The following DNMT1 variants were observed in gnomAD, a reference collection of about 807,000 sequenced individuals.
DNMT1 encodes DNA (cytosine-5)-methyltransferase 1.
Under a neutral mutation model 205.3 loss-of-function variants are expected in DNMT1, and 24 were observed. The observed-to-expected ratio is 0.12, with a 90% CI of 0.08 to 0.16. DNMT1 has a LOEUF of 0.16. Ranked by LOEUF, DNMT1 falls within the 10% of genes least tolerant of loss-of-function variation. The pLI is 1.00. For missense variants in DNMT1, 1,293 were observed against 2,177.7 expected (o/e 0.59, Z 8.09); for synonymous variants, 817 against 839.8 (o/e 0.97, Z 0.47).
chr19:10,185,810 G>A (rs2039166578), intron 1 of DNMT1, among the ~76,000 whole-genome samples: 2 of 146,160 alleles, frequency 1.4e-5, no homozygotes, highest in Non-Finnish European at 3.0e-5. Flanking sequence ...AGCCTGTTCA[G>A]CCTGGGCAAC....
chr19:10,190,683 T>G (rs977824537), intron 1 of DNMT1, among the ~76,000 whole-genome samples: 1 of 151,794 alleles, frequency 6.6e-6, no homozygotes, highest in East Asian at 1.9e-4. Flanking sequence ...GAGAATCACT[T>G]GAACCCGGGA....
At chr19:10,182,442 CATATATATGTGTAT>C (rs55851540) in intron 1 of DNMT1, among the ~76,000 whole-genome samples, 5 of 120,614 alleles carry the variant, frequency 4.1e-5, no homozygotes, top group Middle Eastern at 4.5e-3. Context: ...TATATATATA[CATATATATGTGTAT>C]ATATATGTGT....
At chr19:10,166,456 CT>C (rs2038695125) in intron 11 of DNMT1, 141 bp downstream of exon 11, 1 of 993,586 alleles carries the variant, frequency 1.0e-6, no homozygotes, top group African/African-American at 1.6e-5. Context: ...AAAAGGTGAC[CT>C]TCCCAGAGTC....
rs762901584 is a variant in DNMT1 at position 10,194,797 on chromosome 19, G to A, written c.80+23C>T. ...GCGCCCTGCCTGTCCCCCTGAGTCC[G>A]TGTTCCCCCCCATGGTACCTACCGC... On this transcript the variant is annotated intron_variant, in intron 1 of 40. Transcript: ENST00000359526. 9 of 1,609,572 alleles carry A rather than the reference G, an allele frequency of 5.6e-6. No individual in the cohort carries two copies. The Middle Eastern group carries it at 4.9e-4, about 88-fold the overall frequency.
chr19:10,182,406 CATATATATGTGTAT>C (rs759618105), intron 1 of DNMT1, among the ~76,000 whole-genome samples: 6 of 73,220 alleles, frequency 8.2e-5, no homozygotes, highest in Non-Finnish European at 1.1e-4. Flanking sequence ...TATATATATA[CATATATATGTGTAT>C]ATATATGTGT....
At chr19:10,194,604 C>T (rs2039367829) in intron 1 of DNMT1, 1 of 546,674 alleles carries the variant, frequency 1.8e-6, no homozygotes, top group South Asian at 2.8e-5. Context: ...CAGGGAGCTA[C>T]GGGGGAATCC....
chr19:10,141,280 T>G, intron 30 of DNMT1, 91 bp from the exon 31 acceptor site: 1 of 1,351,234 alleles, frequency 7.4e-7, no homozygotes, highest in Non-Finnish European at 1.1e-6. Context: ...GATAGTCACT[T>G]AATTTCTCCC....
At chr19:10,149,362 A>G (rs2038285621) in intron 26 of DNMT1, 91 bp downstream of exon 26, 1 of 1,489,436 alleles carries the variant, frequency 6.7e-7, no homozygotes, top group Non-Finnish European at 9.2e-7. Flanking sequence ...ACCAAATTAA[A>G]AAAAAATACA....
intron 22 of DNMT1, among the ~76,000 whole-genome samples, chr19:10,152,795 G>A (rs1281754565): frequency 2.6e-5 from 4 of 151,498 alleles, no homozygotes; most frequent in Non-Finnish European, 5.9e-5. Flanking sequence ...ACAAAACCAA[G>A]ACTTTTAAAA....
At chr19:10,177,471 C>T (rs750950402) in intron 5 of DNMT1, 104 bp from the exon 6 acceptor site, 4 of 1,157,838 alleles carry the variant, frequency 3.5e-6, no homozygotes, top group Non-Finnish European at 4.9e-6. Flanking sequence ...TTGCAGGAAG[C>T]CAGGTTCTAA....
intron 9 of DNMT1, among the ~76,000 whole-genome samples, chr19:10,168,671 CT>C (rs1250051204): frequency 4.6e-5 from 7 of 151,554 alleles, no homozygotes; most frequent in Non-Finnish European, 1.0e-4. Flanking sequence ...AGTATTTTTA[CT>C]TCAAAATTCC....
Position 10,167,906 on chromosome 19 carries a change from G to A in DNMT1, c.803+424C>T, listed in dbSNP as rs181917583. Among the ~76,000 whole-genome samples, 352 of 152,116 alleles carry A rather than the reference G, an allele frequency of 2.3e-3. 3 individuals carry two copies. The highest frequency in any genetic ancestry group is 8.0e-3 in the African/African-American group (332 of 41,506). ...TTGGGAGGCGAGGCAGGTGGGTCAC[G>A]GAGGTCAGGAGTTCAAGACCAGCCT... On this transcript the variant is annotated intron_variant, in intron 10 of 40. Transcript: ENST00000359526.
At chr19:10,183,122 TA>T (rs1374941755) in intron 1 of DNMT1, among the ~76,000 whole-genome samples, 16 of 108,858 alleles carry the variant, frequency 1.5e-4, no homozygotes, top group East Asian at 5.9e-4. Flanking sequence ...TATATATATA[TA>T]TATTTTTTTT....
At position 10,154,494 on chromosome 19, in the gene DNMT1, C is replaced by T; in HGVS notation, c.1833-15G>A. On this transcript the variant is annotated splice_polypyrimidine_tract_variant and intron_variant, in intron 21 of 40. Transcript: ENST00000359526. This position sits in a 1 kb window ranked among gnomAD's most constrained non-coding sequence, Gnocchi z 6.3. The stretch of plus-strand genomic sequence containing the variant: ...CCTGGGCTCGCCTACGGGAGAGGTT[C>T]CAGCATCTCAGAGGACTGGGACAGA... 1 of 1,614,150 alleles carries T rather than the reference C, an allele frequency of 6.2e-7. No homozygotes were observed. Among genetic ancestry groups the T allele is most frequent in the Non-Finnish European group, 8.5e-7 (1 of 1,180,028 alleles).
chr19:10,194,764 C>G, intron 1 of DNMT1, 56 bp downstream of exon 1: 1 of 1,541,064 alleles, frequency 6.5e-7, no homozygotes, highest in South Asian at 1.2e-5. Context: ...GAAGCGACCC[C>G]CCACCCAGCG....
intron 22 of DNMT1, among the ~76,000 whole-genome samples, chr19:10,153,375 T>C (rs1179066857): frequency 6.6e-6 from 1 of 152,176 alleles, no homozygotes; most frequent in Non-Finnish European, 1.5e-5. Context: ...GGCTCACACC[T>C]GTAATCCCAG....
Position 10,166,727 on chromosome 19 carries a change from G to C in DNMT1, c.804-42C>G, listed in dbSNP as rs533748877. The stretch of plus-strand genomic sequence containing the variant: ...CACACACACAGGCTGGTCAGCTCGG[G>C]GGGGGCCCTGCACCGGGGCCAACAG... On this transcript the variant is annotated intron_variant, in intron 10 of 40. Coordinates refer to ENST00000359526, the MANE Select transcript of DNMT1 (RefSeq NM_001130823.3). The C allele has an allele frequency of 2.5e-4, 396 of 1,611,274 alleles. 2 individuals are homozygous for C. Among genetic ancestry groups the C allele is most frequent in the Admixed American group, 5.0e-4 (30 of 59,976 alleles).
At position 10,151,440 on chromosome 19, in the gene DNMT1, TTTC is replaced by T; in HGVS notation, c.2220_2222del (p.Lys741del). 6.2e-7 allele frequency: 1 copy of T among 1,613,914 alleles called. No individual in the cohort carries two copies. Among genetic ancestry groups the T allele is most frequent in the Non-Finnish European group, 8.5e-7 (1 of 1,179,986 alleles). On this transcript the variant is annotated inframe_deletion, in exon 24 of 41. Coordinates refer to ENST00000359526, the MANE Select transcript of DNMT1 (RefSeq NM_001130823.3). The surrounding 1 kb of genome is among the most constrained non-coding windows in gnomAD (Gnocchi z 5.0). ...CCCAAGAGATGCGATTCTTGTTCTG[TTTC>T]TTCTTCTTCCCCTGGTGCATTTTTT...
intron 26 of DNMT1, 97 bp from the exon 27 acceptor site, chr19:10,149,114 AG>A (rs1469699421): frequency 2.0e-6 from 3 of 1,520,446 alleles, no homozygotes; most frequent in Non-Finnish European, 2.7e-6. Context: ...ACCTAAGGTC[AG>A]GAGTTCGAGA....
Sources: allele counts gnomAD v4.1 joint callset (sites outside exome capture counted in the v4.1 genomes callset), GRCh38; gene constraint gnomAD v4.1.1; non-coding constraint Gnocchi (gnomAD v3.1); transcripts MANE v1.5; gene names NCBI Gene and HGNC (gene_info 2026-07-23, HGNC 2026-07-21).